GALNT17: variants seen among roughly 807,000 people sequenced by gnomAD.
The protein encoded by GALNT17 is polypeptide N-acetylgalactosaminyltransferase 17, also known as UDP-GalNAc:polypeptide N-acetylgalactosaminyltransferase-like 3.
In GALNT17, 29 loss-of-function variants were observed where a neutral mutation model predicts 63.7. The observed-to-expected ratio is 0.46, with a 90% confidence interval of 0.34 to 0.62. The LOEUF is 0.62. GALNT17 is among the 20% of genes least tolerant of loss of function. The pLI, the probability that GALNT17 is intolerant of heterozygous loss-of-function variation, is 0.01. For missense variants in GALNT17, 603 were observed against 799.6 expected, an observed-to-expected ratio of 0.75 and a Z score of 2.97; for synonymous variants, 305 against 318.3, an observed-to-expected ratio of 0.96 and a Z score of 0.45.
At chr7:71,476,886 G>A (rs12540623) in intron 5 of GALNT17, among the ~76,000 whole-genome samples, 6,342 of 152,160 alleles carry the variant, frequency 0.042, 241 homozygotes, top group African/African-American at 0.1. Flanking sequence ...GAGGTTCTGT[G>A]ATTTTCAAAG....
intron 5 of GALNT17, among the ~76,000 whole-genome samples, chr7:71,438,722 C>G (rs771083016): frequency 2.6e-5 from 4 of 152,134 alleles, no homozygotes; most frequent in Non-Finnish European, 5.9e-5. Context: ...GAGCAATTCT[C>G]TATTCTACAA....
chr7:71,334,292 C>T (rs1266266287), intron 1 of GALNT17, among the ~76,000 whole-genome samples: 1 of 152,154 alleles, frequency 6.6e-6, no homozygotes, highest in Admixed American at 6.6e-5. Context: ...GGTTTCCTGG[C>T]TCTTGACTTG....
At chr7:71,287,192 C>T (rs1276861043) in intron 1 of GALNT17, among the ~76,000 whole-genome samples, 2 of 152,126 alleles carry the variant, frequency 1.3e-5, no homozygotes, top group African/African-American at 2.4e-5. Flanking sequence ...TGAGTTCAAG[C>T]GATCCTTTCA....
chr7:71,676,977 G>A (rs1240939631), intron 8 of GALNT17, among the ~76,000 whole-genome samples: 1 of 152,134 alleles, frequency 6.6e-6, no homozygotes, highest in Non-Finnish European at 1.5e-5. Context: ...GTGAGGGTGG[G>A]GGGGCAAGCT....
chr7:71,466,513 T>C (rs73177421), intron 5 of GALNT17, among the ~76,000 whole-genome samples: 1,643 of 152,346 alleles, frequency 0.011, 8 homozygotes, highest in Non-Finnish European at 0.015. Context: ...GAAATGTCTC[T>C]GCAAAGCTGT....
chr7:71,660,019 C>T (rs959968326), intron 6 of GALNT17, among the ~76,000 whole-genome samples: 8 of 152,144 alleles, frequency 5.3e-5, no homozygotes, highest in African/African-American at 1.7e-4. Flanking sequence ...GCATTTCTGC[C>T]TGTGATTCTT....
chr7:71,135,727 G>A (rs1367859085), intron 1 of GALNT17, among the ~76,000 whole-genome samples: 2 of 152,162 alleles, frequency 1.3e-5, no homozygotes, highest in African/African-American at 4.8e-5. Context: ...CCTACATCAA[G>A]CAGAGTAAAG....
intron 6 of GALNT17, among the ~76,000 whole-genome samples, chr7:71,584,219 G>A (rs1041272327): frequency 2.0e-5 from 3 of 152,116 alleles, no homozygotes; most frequent in East Asian, 3.9e-4. Flanking sequence ...ATTTTCCCCC[G>A]AGTGGATGAG....
At position 71,203,742 on chromosome 7, in the gene GALNT17, G is replaced by A. The variant is rs532642182; in HGVS notation, c.238+70702G>A. Among the ~76,000 whole-genome samples, 6 of 152,274 alleles carry A rather than the reference G, an allele frequency of 3.9e-5. No individual in the cohort carries two copies. The East Asian group carries it at 9.7e-4, about 25-fold the overall frequency. ...AATCATGGCAGAAGGCGAAGGGGGA[G>A]CTGGCACGTCACATGGCAGAAGGAG... On this transcript the variant is annotated intron_variant, in intron 1 of 10. Transcript: ENST00000333538.
intron 1 of GALNT17, chr7:71,300,642 A>G: frequency 9.2e-6 from 2 of 218,140 alleles, no homozygotes; most frequent in South Asian, 9.8e-5. Flanking sequence ...ATGGTTATCA[A>G]CATGCTGCTA....
intron 1 of GALNT17, among the ~76,000 whole-genome samples, chr7:71,202,453 A>G (rs1460848205): frequency 2.0e-5 from 3 of 152,204 alleles, no homozygotes. Flanking sequence ...ATTTAACTTT[A>G]TGTCACAAAG....
chr7:71,252,843 A>G (rs1336853898), intron 1 of GALNT17, among the ~76,000 whole-genome samples: 2 of 152,188 alleles, frequency 1.3e-5, no homozygotes, highest in African/African-American at 4.8e-5. Context: ...TTTATTCATG[A>G]GGAAATTCTT....
chr7:71,307,088 T>A (rs1334936199), intron 1 of GALNT17, among the ~76,000 whole-genome samples: 1 of 152,150 alleles, frequency 6.6e-6, no homozygotes, highest in East Asian at 1.9e-4. Flanking sequence ...CCTCCCAAAG[T>A]GCTGGGATGA....
chr7:71,395,109 C>A (rs1366239677), intron 3 of GALNT17, among the ~76,000 whole-genome samples: 1 of 151,912 alleles, frequency 6.6e-6, no homozygotes, highest in Admixed American at 6.6e-5. Context: ...CTCAAAAAAA[C>A]AAAAAATAAA....
chr7:71,469,285 G>T (rs1057214249), intron 5 of GALNT17, among the ~76,000 whole-genome samples: 3 of 152,182 alleles, frequency 2.0e-5, no homozygotes, highest in Admixed American at 1.3e-4. Context: ...TGGCTCTGCT[G>T]TGTCACCGTG....
rs984068807 is a variant in GALNT17 at position 71,325,182 on chromosome 7, A to T, written c.239-10368A>T. Among the ~76,000 whole-genome samples the T allele has an allele frequency of 3.9e-5, 6 of 152,342 alleles. No individual in the cohort carries two copies. The East Asian group carries it at 1.2e-3, about 29-fold the overall frequency. ...AAACCTGGAATGTTGCTCACTGTTA[A>T]GCTTATGGCTGCAATGGCTGCAATT... On this transcript the variant is annotated intron_variant, in intron 1 of 10. Transcript: ENST00000333538.
chr7:71,405,502 G>T (rs73362015), intron 3 of GALNT17, among the ~76,000 whole-genome samples: 1 of 152,110 alleles, frequency 6.6e-6, no homozygotes, highest in Non-Finnish European at 1.5e-5. Context: ...AGGCATAGTG[G>T]TGCATGCCTG....
chr7:71,506,386 C>A (rs957719031), intron 5 of GALNT17, among the ~76,000 whole-genome samples: 1 of 152,058 alleles, frequency 6.6e-6, no homozygotes, highest in Non-Finnish European at 1.5e-5. Context: ...CCTGCCTCAG[C>A]CTCCCGAGTA....
intron 5 of GALNT17, among the ~76,000 whole-genome samples, chr7:71,439,532 G>T (rs1787027518): frequency 6.6e-6 from 1 of 152,210 alleles, no homozygotes; most frequent in Admixed American, 6.5e-5. Context: ...AGAGAGGCCT[G>T]CCTCCATCAA....
Sources: allele counts gnomAD v4.1 joint callset (sites outside exome capture counted in the v4.1 genomes callset), GRCh38; gene constraint gnomAD v4.1.1; transcripts MANE v1.5; gene names NCBI Gene and HGNC (gene_info 2026-07-23, HGNC 2026-07-21).